POF1B: variants seen among roughly 807,000 people sequenced by gnomAD.
POF1B encodes the protein POF1B actin binding protein.
Under a neutral mutation model 55.3 loss-of-function variants are expected in POF1B, and 53 were observed. That is an observed-to-expected ratio of 0.96 (90% confidence interval 0.77 to 1.20). The LOEUF is 1.20. Among genes scored for constraint, POF1B ranks in the 50% most tolerant of loss-of-function variants. The probability of loss-of-function intolerance (pLI) is 0.00; values close to 1 mark genes in which losing one functional copy is unlikely to be tolerated. For missense variants in POF1B, 478 were observed against 420.5 expected (o/e 1.14, Z -1.20); for synonymous variants, 188 against 148.3 (o/e 1.27, Z -1.95).
chrX:85,306,271 T>C lies in POF1B; in HGVS notation c.1227A>G (p.Arg409=). ...QALEENNLSL[R]HTLSDMEYRL... ...TGTATTCCATGTCTGATAGTGTATG[T>C]CGAAGAGAGAGATTGTTTTCTTCCA... The change falls in exon 12 of 17, where the codon CGA becomes CGG. Residue 409 remains arginine (R), a synonymous_variant. Transcript: ENST00000262753. The C allele has an allele frequency of 1.7e-6, 2 of 1,208,557 alleles. No homozygotes were observed. Among genetic ancestry groups the C allele is most frequent in the South Asian group, 1.8e-5 (1 of 56,816 alleles).
At chrX:85,349,040 T>G (rs1450904754) in intron 5 of POF1B, among the ~76,000 whole-genome samples, 1 of 111,093 alleles carries the variant, frequency 9.0e-6, no homozygotes, top group Non-Finnish European at 1.9e-5. Flanking sequence ...TTCATGAAAT[T>G]TTTTCTGCTT....
chrX:85,378,002 A>T (rs1010070967), intron 2 of POF1B, among the ~76,000 whole-genome samples: 2 of 112,065 alleles, frequency 1.8e-5, no homozygotes, highest in Non-Finnish European at 3.8e-5. Flanking sequence ...AGCTACAATA[A>T]AACAAAGGTG....
chrX:85,359,866 C>T (rs770872267), intron 3 of POF1B, among the ~76,000 whole-genome samples: 13 of 111,161 alleles, frequency 1.2e-4, no homozygotes, highest in Non-Finnish European at 2.1e-4. Flanking sequence ...ATTTCATCCA[C>T]ATTCCAAACT....
chrX:85,340,835 C>A (rs969755957), intron 6 of POF1B, among the ~76,000 whole-genome samples: 1 of 110,153 alleles, frequency 9.1e-6, no homozygotes, highest in African/African-American at 3.3e-5. Context: ...TCAATAGGAA[C>A]CAGAACATTT....
chrX:85,343,199 G>T (rs1487606620), intron 6 of POF1B, among the ~76,000 whole-genome samples: 1 of 109,136 alleles, frequency 9.2e-6, no homozygotes, highest in Non-Finnish European at 1.9e-5. Flanking sequence ...TAAAAAAAGA[G>T]ATTATCTAAA....
At chrX:85,287,542 A>G (rs1932084563) in intron 15 of POF1B, among the ~76,000 whole-genome samples, 2 of 111,726 alleles carry the variant, frequency 1.8e-5, no homozygotes, top group Admixed American at 9.5e-5. Context: ...CTCACTCAAG[A>G]AGCAATAGAT....
chrX:85,305,726 C>A, intron 13 of POF1B, 65 bp downstream of exon 13: 1 of 1,114,075 alleles, frequency 9.0e-7, no homozygotes. Flanking sequence ...AAACTTGAAG[C>A]CATCATTATC....
chrX:85,346,231 T>C (rs1603062546), intron 5 of POF1B, among the ~76,000 whole-genome samples, 189 bp from the exon 6 acceptor site: 1 of 110,776 alleles, frequency 9.0e-6, no homozygotes, highest in East Asian at 2.8e-4. Flanking sequence ...AATTCTGTTT[T>C]TATTTGATCA....
In POF1B at chrX:85,306,272, C is replaced by T. The variant is rs1359330270; in HGVS notation, c.1226G>A (p.Arg409Gln). The T allele has an allele frequency of 2.5e-6, 3 of 1,207,638 alleles. No individual in the cohort carries two copies. Among genetic ancestry groups the T allele is most frequent in the Admixed American group, 4.4e-5 (2 of 45,818 alleles). The part of the protein sequence containing the change: ...QALEENNLSL[R>Q]HTLSDMEYRL... ...GTATTCCATGTCTGATAGTGTATGT[C>T]GAAGAGAGAGATTGTTTTCTTCCAA... The change falls in exon 12 of 17, where the codon CGA becomes CAA. Residue 409 changes from arginine (R) to glutamine (Q), a missense_variant. Arg to Gln is a conservative substitution (Grantham distance 43). Coordinates refer to ENST00000262753, the MANE Select transcript of POF1B (RefSeq NM_024921.4).
chrX:85,298,378 G>A (rs771534296), intron 15 of POF1B, among the ~76,000 whole-genome samples: 19 of 111,642 alleles, frequency 1.7e-4, no homozygotes, highest in Non-Finnish European at 2.8e-4. Context: ...TGCAAGAGTC[G>A]TGAGATCTCT....
intron 16 of POF1B, among the ~76,000 whole-genome samples, chrX:85,280,449 A>C (rs1931871504): frequency 9.0e-6 from 1 of 111,372 alleles, no homozygotes; most frequent in African/African-American, 3.3e-5. Flanking sequence ...GTATTCAAAT[A>C]AATGAATTTT....
intron 15 of POF1B, among the ~76,000 whole-genome samples, chrX:85,292,936 A>G (rs1208811956): frequency 1.8e-5 from 2 of 112,148 alleles, no homozygotes; most frequent in East Asian, 5.6e-4. Flanking sequence ...AAAGCTCAAC[A>G]TCACTGATCA....
chrX:85,325,558 T>A (rs1296117699), intron 7 of POF1B, among the ~76,000 whole-genome samples: 1 of 112,339 alleles, frequency 8.9e-6, no homozygotes, highest in Non-Finnish European at 1.9e-5. Flanking sequence ...AGCCATTTTG[T>A]CTATCAGCTC....
At chrX:85,366,338 C>T (rs1188622354) in intron 3 of POF1B, among the ~76,000 whole-genome samples, 1 of 110,253 alleles carries the variant, frequency 9.1e-6, no homozygotes, top group Non-Finnish European at 1.9e-5. Flanking sequence ...GGATATAAAA[C>T]TGTATATATG....
At chrX:85,365,886 G>A (rs975009291) in intron 3 of POF1B, among the ~76,000 whole-genome samples, 15 of 111,157 alleles carry the variant, frequency 1.3e-4, no homozygotes, top group Middle Eastern at 4.7e-3. Context: ...CTATCAGCCC[G>A]GGATGGGGGT....
intron 3 of POF1B, among the ~76,000 whole-genome samples, chrX:85,366,658 G>C (rs751624326): frequency 1.8e-5 from 2 of 111,458 alleles, no homozygotes; most frequent in South Asian, 7.6e-4. Flanking sequence ...CTATAGGGCT[G>C]CATTTCTAAG....
intron 9 of POF1B, among the ~76,000 whole-genome samples, chrX:85,311,764 A>G (rs1932705373): frequency 8.9e-6 from 1 of 111,939 alleles, no homozygotes; most frequent in Non-Finnish European, 1.9e-5. Context: ...GAAGCGCCAC[A>G]CTGGTTGAAC....
intron 7 of POF1B, among the ~76,000 whole-genome samples, chrX:85,323,450 TG>T (rs1255335918): frequency 2.4e-5 from 1 of 41,028 alleles, no homozygotes; most frequent in Non-Finnish European, 4.6e-5. Flanking sequence ...TGTTGTGGGG[TG>T]GGGGGAAGGG....
intron 15 of POF1B, among the ~76,000 whole-genome samples, chrX:85,285,001 T>C (rs1932014043): frequency 9.0e-6 from 1 of 111,706 alleles, no homozygotes; most frequent in East Asian, 2.8e-4. Flanking sequence ...GCAAAGGATA[T>C]GAACAGACAC....
Sources: allele counts gnomAD v4.1 joint callset (sites outside exome capture counted in the v4.1 genomes callset), GRCh38; gene constraint gnomAD v4.1.1; transcripts MANE v1.5; gene names NCBI Gene and HGNC (gene_info 2026-07-23, HGNC 2026-07-21).